The following APBB2 variants were observed in gnomAD, a reference collection of about 807,000 sequenced individuals.
The protein encoded by APBB2 is Fe65-like 1.
A neutral mutation model predicts 82.5 loss-of-function variants in APBB2; 38 were observed. That is an observed-to-expected ratio of 0.46 (90% CI 0.36 to 0.60). APBB2 has a LOEUF of 0.60. Ranked by LOEUF, APBB2 falls within the 20% of genes least tolerant of loss-of-function variation. The pLI is 0.00. For missense variants in APBB2, 772 were observed against 972.3 expected (o/e 0.79, Z 2.74); for synonymous variants, 341 against 368.2 (o/e 0.93, Z 0.85).
chr4:41,135,790 G>A (rs868833567), intron 2 of APBB2, among the ~76,000 whole-genome samples: 2 of 152,288 alleles, frequency 1.3e-5, no homozygotes, highest in Middle Eastern at 6.8e-3. Flanking sequence ...CCTCATTACA[G>A]ATGTATACAA....
intron 2 of APBB2, among the ~76,000 whole-genome samples, chr4:41,134,318 G>A (rs548658444): frequency 3.0e-4 from 45 of 152,108 alleles, no homozygotes; most frequent in Admixed American, 2.2e-3. Flanking sequence ...AGTGGCTCAT[G>A]CCTGTAATCC....
chr4:40,907,681 T>C (rs1358775150), intron 10 of APBB2, among the ~76,000 whole-genome samples: 2 of 144,420 alleles, frequency 1.4e-5, no homozygotes, highest in Non-Finnish European at 3.0e-5. Flanking sequence ...CTTTTTTTTT[T>C]TTTTTTTTTT....
intron 5 of APBB2, among the ~76,000 whole-genome samples, chr4:41,026,219 A>G (rs1394645526): frequency 1.3e-5 from 2 of 152,170 alleles, no homozygotes; most frequent in South Asian, 2.1e-4. Context: ...AGCAGAAAAG[A>G]TAACTATTGG....
At chr4:40,835,834 G>A (rs533135395) in intron 12 of APBB2, among the ~76,000 whole-genome samples, 5 of 152,234 alleles carry the variant, frequency 3.3e-5, no homozygotes, top group South Asian at 2.1e-4. Flanking sequence ...GAACAGGGCA[G>A]AGGAGACAGA....
chr4:40,916,312 AAGACAGAC>A (rs144128710), intron 10 of APBB2, among the ~76,000 whole-genome samples: 9 of 151,666 alleles, frequency 5.9e-5, no homozygotes, highest in Non-Finnish European at 8.8e-5. Context: ...GCTAGACCTG[AAGACAGAC>A]AGACAGACAG....
At chr4:41,196,208 C>A in intron 1 of APBB2, among the ~76,000 whole-genome samples, 1 of 151,956 alleles carries the variant, frequency 6.6e-6, no homozygotes, top group East Asian at 1.9e-4. Flanking sequence ...GATCACCCAT[C>A]CCCCCGTCTA....
intron 4 of APBB2, among the ~76,000 whole-genome samples, chr4:41,044,495 A>T (rs1279126984): frequency 6.6e-6 from 1 of 152,134 alleles, no homozygotes; most frequent in African/African-American, 2.4e-5. Context: ...TTGTTGTTTG[A>T]AGCTCACTCT....
intron 10 of APBB2, among the ~76,000 whole-genome samples, chr4:40,903,229 GGC>G (rs1199993747): frequency 0.11 from 16,502 of 152,004 alleles, 1,278 homozygotes; most frequent in African/African-American, 0.21. Context: ...GGGAGGCCAA[GGC>G]CGGTGGATCA....
intron 2 of APBB2, among the ~76,000 whole-genome samples, chr4:41,125,729 A>G (rs909526671): frequency 6.6e-6 from 1 of 152,148 alleles, no homozygotes; most frequent in Non-Finnish European, 1.5e-5. Flanking sequence ...TGGTTTTCCA[A>G]CTCCTACTGT....
rs1718223269 is a variant in APBB2, at chr4:41,034,228, C to T, written c.-50-924G>A. On this transcript the variant is annotated intron_variant, in intron 4 of 17. Transcript: ENST00000508593. ...CACCTAGATGTTCTTCAGTGCACAG[C>T]TGGTTCATTAGATGATAATACACCC... 2.1e-5 allele frequency among the ~76,000 whole-genome samples: 3 copies of T among 139,934 alleles called. No homozygotes were observed. The Admixed American group carries it at 2.2e-4, about 10-fold the overall frequency. The allele number at this position is 139,934 out of a possible 152,430, so 91.8% of individuals were successfully genotyped here.
chr4:41,077,925 C>T (rs892651479), intron 3 of APBB2, among the ~76,000 whole-genome samples: 1 of 152,082 alleles, frequency 6.6e-6, no homozygotes, highest in African/African-American at 2.4e-5. Context: ...CATGCAAGAA[C>T]CAAGAGATGT....
intron 2 of APBB2, among the ~76,000 whole-genome samples, chr4:41,110,158 T>C (rs185222179): frequency 4.6e-5 from 7 of 152,334 alleles, no homozygotes; most frequent in East Asian, 3.9e-4. Flanking sequence ...TTGGCCTCTG[T>C]ATGTTTCCAC....
intron 13 of APBB2, among the ~76,000 whole-genome samples, chr4:40,829,434 C>T (rs1404124989): frequency 6.6e-6 from 1 of 152,114 alleles, no homozygotes; most frequent in Admixed American, 6.5e-5. Flanking sequence ...GCTTGTCCAG[C>T]GCCTCTAAAA....
chr4:40,861,270 A>G (rs368938671), intron 12 of APBB2, among the ~76,000 whole-genome samples: 1 of 152,200 alleles, frequency 6.6e-6, no homozygotes, highest in East Asian at 1.9e-4. Flanking sequence ...GAATCACTTG[A>G]ACTTGGGAGG....
rs1418446291 is a variant in APBB2 at position 40,934,336 on chromosome 4, A to G, written c.1254+120T>C. On this transcript the variant is annotated intron_variant, in intron 10 of 17. Coordinates refer to ENST00000508593, the MANE Select transcript of APBB2 (RefSeq NM_004307.2). ...AGGGAGATTAGGAAAGAGAAAATTG[A>G]GGGATAATTACTTATTAAATGGCTC... 1.1e-5 allele frequency: 10 copies of G among 944,798 alleles called. No individual in the cohort carries two copies. The East Asian group carries it at 2.4e-4, about 23-fold the overall frequency. 58.5% of individuals were successfully genotyped at this position (944,798 alleles called of 1,614,324 possible). A position where few individuals can be genotyped will look rare whatever the true frequency, so the allele number is the denominator to read the frequency against.
chr4:40,857,873 G>A (rs931040162), intron 12 of APBB2, among the ~76,000 whole-genome samples: 7 of 152,168 alleles, frequency 4.6e-5, no homozygotes, highest in Non-Finnish European at 8.8e-5. Flanking sequence ...AAGCCTTTGG[G>A]CAGAAAGACA....
intron 2 of APBB2, among the ~76,000 whole-genome samples, chr4:41,131,819 C>A (rs1353392592): frequency 1.3e-5 from 2 of 152,076 alleles, no homozygotes; most frequent in Non-Finnish European, 2.9e-5. Flanking sequence ...GCGGGTGGAT[C>A]ACCTGAGGCC....
chr4:40,941,204 A>G (rs1202465212), intron 7 of APBB2, among the ~76,000 whole-genome samples: 1 of 152,054 alleles, frequency 6.6e-6, no homozygotes, highest in Non-Finnish European at 1.5e-5. Flanking sequence ...CTAACACAAC[A>G]TATTACAAGC....
intron 3 of APBB2, among the ~76,000 whole-genome samples, chr4:41,066,072 TTAAAAGCTTGAA>T (rs1560658693): frequency 2.0e-5 from 3 of 150,098 alleles, no homozygotes; most frequent in Non-Finnish European, 3.0e-5. Context: ...CTATAAAACT[TTAAAAGCTTGAA>T]ATGAGGAAAT....
Sources: allele counts gnomAD v4.1 joint callset (sites outside exome capture counted in the v4.1 genomes callset), GRCh38; gene constraint gnomAD v4.1.1; transcripts MANE v1.5; gene names NCBI Gene and HGNC (gene_info 2026-07-23, HGNC 2026-07-21).